Variants in MAPK6 observed in about 807,000 individuals in gnomAD.
MAPK6 encodes the protein ERK-3.
Under a neutral mutation model 59.3 loss-of-function variants are expected in MAPK6, and 19 were observed. That is an observed-to-expected ratio of 0.32 (90% CI 0.22 to 0.47). MAPK6 has a LOEUF of 0.47. Ranked by LOEUF, MAPK6 falls within the 20% of genes least tolerant of loss-of-function variation. The pLI is 1.00. For synonymous variants in MAPK6, 316 were observed against 290.3 expected (o/e 1.09, Z -0.90); for missense variants, 724 against 847.9 (o/e 0.85, Z 1.81).
chr15:52,061,153 C>T, intron 4 of MAPK6, 146 bp from the exon 5 acceptor site: 1 of 631,044 alleles, frequency 1.6e-6, no homozygotes, highest in South Asian at 2.1e-5. Flanking sequence ...CCTATTAGTA[C>T]AATTAAGATG....
At chr15:52,029,462 T>C (rs1405971585) in intron 1 of MAPK6, among the ~76,000 whole-genome samples, 1 of 152,218 alleles carries the variant, frequency 6.6e-6, no homozygotes, top group Non-Finnish European at 1.5e-5. Context: ...TTGTTTTAAA[T>C]GCCATCTGTA....
At chr15:51,997,092 G>A (rs941059680) in intron 2 of MAPK6, among the ~76,000 whole-genome samples, 2 of 151,790 alleles carry the variant, frequency 1.3e-5, no homozygotes, top group African/African-American at 4.8e-5. Context: ...CAATTCTCCT[G>A]CCTCAGCCTC....
At chr15:52,055,567 G>A (rs975777747) in intron 3 of MAPK6, among the ~76,000 whole-genome samples, 1 of 152,212 alleles carries the variant, frequency 6.6e-6, no homozygotes, top group African/African-American at 2.4e-5. Context: ...CTAGGCTGGA[G>A]TGCAGTTGCA....
At chr15:52,041,797 C>T (rs1217344815) in intron 1 of MAPK6, among the ~76,000 whole-genome samples, 5 of 152,192 alleles carry the variant, frequency 3.3e-5, no homozygotes, top group Non-Finnish European at 5.9e-5. Flanking sequence ...GCACACACAT[C>T]TTGACTTTCT....
Position 52,066,065 on chromosome 15 carries a change from T to C in MAPK6, c.*1065T>C, listed in dbSNP as rs1221907178. 6.6e-6 allele frequency: 1 copy of C among 152,632 alleles called. No homozygotes were observed. Among genetic ancestry groups the C allele is most frequent in the East Asian group, 1.9e-4 (1 of 5,202 alleles). The allele number at this position is 152,632 out of a possible 1,614,324, so 9.5% of individuals were successfully genotyped here. On this transcript the variant is annotated 3_prime_UTR_variant, in exon 6 of 6. Coordinates refer to ENST00000261845, the MANE Select transcript of MAPK6 (RefSeq NM_002748.4). ...TTTGAAAGTTGTACATGATAAGACA[T>C]TTTGTTTTTACTGTATGTTTTTACT... is the stretch of plus-strand genomic sequence containing the variant.
intron 1 of MAPK6, among the ~76,000 whole-genome samples, chr15:52,036,775 C>G (rs1184960819): frequency 1.3e-5 from 2 of 151,752 alleles, no homozygotes; most frequent in Non-Finnish European, 2.9e-5. Flanking sequence ...TTTTTTTCTT[C>G]CTTTCTTTCC....
At chr15:52,020,224 A>T (rs748450516) in intron 1 of MAPK6, among the ~76,000 whole-genome samples, 21 of 152,242 alleles carry the variant, frequency 1.4e-4, no homozygotes, top group Admixed American at 4.6e-4. Context: ...GTCGAAAAGT[A>T]AAGGTGTTTT....
chr15:52,026,721 G>C (rs185436659), intron 1 of MAPK6, among the ~76,000 whole-genome samples: 1 of 152,102 alleles, frequency 6.6e-6, no homozygotes, highest in Non-Finnish European at 1.5e-5. Flanking sequence ...TTACAAGACT[G>C]TAGTTTGAGA....
At chr15:52,050,405 A>G (rs2031739909) in intron 3 of MAPK6, among the ~76,000 whole-genome samples, 1 of 152,212 alleles carries the variant, frequency 6.6e-6, no homozygotes, top group Non-Finnish European at 1.5e-5. Context: ...TTGTGTTGAT[A>G]CTTAAGTTGC....
At chr15:52,051,359 C>G (rs1388532971) in intron 3 of MAPK6, among the ~76,000 whole-genome samples, 1 of 152,024 alleles carries the variant, frequency 6.6e-6, no homozygotes, top group African/African-American at 2.4e-5. Flanking sequence ...ACCAGGCCCT[C>G]CATACCCATT....
At position 52,065,201 on chromosome 15, in the gene MAPK6, CA is replaced by C; in HGVS notation, c.*206del. On this transcript the variant is annotated 3_prime_UTR_variant, in exon 6 of 6. Coordinates refer to ENST00000261845, the MANE Select transcript of MAPK6 (RefSeq NM_002748.4). Reference sequence around the variant, plus strand: ...TTTTAACTGGCATGTCATTTGCACACAAAAATAAAGACTAGAGCAAAATAAT... The same window carrying C: ...TTTTAACTGGCATGTCATTTGCACACAAAATAAAGACTAGAGCAAAATAAT... 5 of 500,850 alleles carry C rather than the reference CA, an allele frequency of 1.0e-5. No individual in the cohort carries two copies. The highest frequency in any genetic ancestry group is 2.0e-5 in the African/African-American group (1 of 50,948). 31.0% of individuals were successfully genotyped at this position (500,850 alleles called of 1,614,324 possible).
At chr15:52,008,291 T>C (rs570815869) in intron 3 of MAPK6, among the ~76,000 whole-genome samples, 1 of 152,284 alleles carries the variant, frequency 6.6e-6, no homozygotes, top group East Asian at 1.9e-4. Context: ...AAAGAAAAGA[T>C]ATGATAGGGT....
intron 3 of MAPK6, among the ~76,000 whole-genome samples, chr15:52,058,030 A>C (rs1290054867): frequency 6.6e-6 from 1 of 152,214 alleles, no homozygotes. Flanking sequence ...AAGGAAAGGC[A>C]AGTGGAATTT....
intron 4 of MAPK6, among the ~76,000 whole-genome samples, chr15:52,060,678 A>C (rs1408060931): frequency 1.3e-5 from 2 of 152,180 alleles, no homozygotes; most frequent in Non-Finnish European, 1.5e-5. Flanking sequence ...TTTTATGGGA[A>C]GAACTGGATT....
chr15:52,004,164 G>T (rs1249790707), intron 2 of MAPK6: 1 of 152,196 alleles, frequency 6.6e-6, no homozygotes, highest in Non-Finnish European at 1.5e-5. Context: ...GTCACAGAGG[G>T]AGGAGGGAAA....
chr15:51,995,923 G>A (rs1032129530), intron 2 of MAPK6, among the ~76,000 whole-genome samples: 7 of 135,630 alleles, frequency 5.2e-5, no homozygotes, highest in South Asian at 2.6e-4. Flanking sequence ...GTGAGATTCC[G>A]TTTCAAAAAA....
chr15:51,976,035 G>A (rs2057156240), intron 1 of MAPK6, among the ~76,000 whole-genome samples: 2 of 151,728 alleles, frequency 1.3e-5, no homozygotes, highest in Admixed American at 6.6e-5. Flanking sequence ...GGGAGGCCGA[G>A]GCGGGCGGAT....
chr15:52,059,904 T>C (rs2032131354), intron 4 of MAPK6, among the ~76,000 whole-genome samples: 1 of 152,220 alleles, frequency 6.6e-6, no homozygotes, highest in African/African-American at 2.4e-5. Context: ...TCTGAGGCAG[T>C]GGCAACTTGG....
chr15:51,974,384 C>T (rs1166610683), intron 1 of MAPK6, among the ~76,000 whole-genome samples: 2 of 151,450 alleles, frequency 1.3e-5, no homozygotes, highest in Admixed American at 6.6e-5. Flanking sequence ...AGGCCGGGCA[C>T]GGTGGCTCAC....
Sources: allele counts gnomAD v4.1 joint callset (sites outside exome capture counted in the v4.1 genomes callset), GRCh38; gene constraint gnomAD v4.1.1; transcripts MANE v1.5; gene names NCBI Gene and HGNC (gene_info 2026-07-23, HGNC 2026-07-21).